ANKRD62: variants seen among roughly 807,000 people sequenced by gnomAD.
The protein encoded by ANKRD62 is ankyrin repeat domain-containing protein 62.
Under a neutral mutation model 98.8 loss-of-function variants are expected in ANKRD62, and 61 were observed. That is an observed-to-expected ratio of 0.62 (90% confidence interval 0.50 to 0.76). The LOEUF is 0.76. Ranked by LOEUF, ANKRD62 falls within the 30% of genes least tolerant of loss-of-function variation. The pLI, the probability that ANKRD62 is intolerant of heterozygous loss-of-function variation, is 0.00. For synonymous variants in ANKRD62, 341 were observed against 367.9 expected (o/e 0.93, Z 0.84); for missense variants, 933 against 1,082.9 (o/e 0.86, Z 1.94).
Position 12,107,355 on chromosome 18 carries a change from G to T in ANKRD62, c.952G>T (p.Ala318Ser), listed in dbSNP as rs556039684. 14 of 1,518,154 alleles carry T rather than the reference G, an allele frequency of 9.2e-6. No homozygotes were observed. The Admixed American group carries it at 2.7e-4, about 29-fold the overall frequency. The allele number at this position is 1,518,154 out of a possible 1,614,324, so 94.0% of individuals were successfully genotyped here. A position where few individuals can be genotyped will look rare whatever the true frequency, so the allele number is the denominator to read the frequency against. The change falls in exon 8 of 14, where the codon GCT (alanine) becomes TCT (serine). Residue 318 changes from alanine to serine, a missense_variant. This residue lies in a region of ANKRD62 where 549 missense variants were observed against 587.9 expected (regional missense o/e 0.93). Coordinates refer to ENST00000587848, the MANE Select transcript of ANKRD62 (RefSeq NM_001277333.2). ...AATGGAAGTGTCAAGAAACGTACAT[G>T]CTGATGACAGTGACAATTATAATGA... ...KKMEVSRNVHADDSDNYNDDV... is the reference protein window; with the variant it reads ...KKMEVSRNVHSDDSDNYNDDV...
intron 8 of ANKRD62, among the ~76,000 whole-genome samples, chr18:12,114,805 A>G (rs957591446): frequency 7.9e-5 from 12 of 152,064 alleles, no homozygotes; most frequent in African/African-American, 2.7e-4. Flanking sequence ...TGCAAATAAC[A>G]TGTTTTTTTT....
chr18:12,156,084 CT>C, the ANKRD62 span, among the ~76,000 whole-genome samples: 11 of 151,336 alleles, frequency 7.3e-5, no homozygotes, highest in African/African-American at 2.7e-4. Context: ...TCCTTCCCCC[CT>C]CCCTCTCCCT....
the ANKRD62 span, among the ~76,000 whole-genome samples, chr18:12,160,178 C>T: frequency 1.9e-4 from 29 of 152,260 alleles, 1 homozygote; most frequent in South Asian, 5.6e-3. Flanking sequence ...AATCATAGGG[C>T]TGCTCAATGT....
In ANKRD62 at chr18:12,128,739, G is replaced by T. The variant is rs1909944251; in HGVS notation, c.*800G>T. 1 of 152,122 alleles carries T rather than the reference G, an allele frequency of 6.6e-6. No homozygotes were observed. The highest frequency in any genetic ancestry group is 1.5e-5 in the Non-Finnish European group (1 of 68,026). The allele number at this position is 152,122 out of a possible 1,614,324, so 9.4% of individuals were successfully genotyped here. On this transcript the variant is annotated 3_prime_UTR_variant, in exon 14 of 14. Coordinates refer to ENST00000587848, the MANE Select transcript of ANKRD62 (RefSeq NM_001277333.2). ...TTAAAATTTTCTTCTGGTTTCCCTG[G>T]AAAGGAAAGATGATGCTTAGTTTTA... is the stretch of plus-strand genomic sequence containing the variant.
chr18:12,169,247 G>A, the ANKRD62 span, among the ~76,000 whole-genome samples: 12 of 151,992 alleles, frequency 7.9e-5, no homozygotes, highest in East Asian at 1.9e-4. Flanking sequence ...TTGCCCTTTC[G>A]GTATGATATT....
At position 12,099,735 on chromosome 18, in the gene ANKRD62, G is replaced by A. The variant is rs968040508; in HGVS notation, c.820+53G>A. 7 of 1,061,532 alleles carry A rather than the reference G, an allele frequency of 6.6e-6. No individual in the cohort carries two copies. The African/African-American group carries it at 6.6e-5, about 10-fold the overall frequency. The allele number at this position is 1,061,532 out of a possible 1,614,324, so 65.8% of individuals were successfully genotyped here. ...CGATGGTCCTGTCATAGATAAAAAAGTAAGAGGAAGGAAGTTTTGATCACA... is the reference window on the plus strand; with the variant it reads ...CGATGGTCCTGTCATAGATAAAAAAATAAGAGGAAGGAAGTTTTGATCACA... On this transcript the variant is annotated intron_variant, in intron 6 of 13. Coordinates refer to ENST00000587848, the MANE Select transcript of ANKRD62 (RefSeq NM_001277333.2).
At chr18:12,159,130 C>T in the ANKRD62 span, among the ~76,000 whole-genome samples, 37 of 151,956 alleles carry the variant, frequency 2.4e-4, no homozygotes, top group Non-Finnish European at 4.7e-4. Flanking sequence ...ACCAGGAAAA[C>T]GTGTATTTAA....
At chr18:12,138,370 C>A in the ANKRD62 span, among the ~76,000 whole-genome samples, 1 of 152,126 alleles carries the variant, frequency 6.6e-6, no homozygotes, top group Admixed American at 6.5e-5. Context: ...GTGAGTTTCT[C>A]AATTCTGAGT....
chr18:12,151,949 C>A, the ANKRD62 span, among the ~76,000 whole-genome samples: 1 of 151,896 alleles, frequency 6.6e-6, no homozygotes, highest in African/African-American at 2.4e-5. Context: ...TGCACACAAA[C>A]TAGAAAACCT....
the ANKRD62 span, among the ~76,000 whole-genome samples, chr18:12,136,504 T>G: frequency 6.6e-6 from 1 of 152,232 alleles, no homozygotes; most frequent in Admixed American, 6.5e-5. Flanking sequence ...TTCTTTAGGC[T>G]TAGGATTGAC....
At chr18:12,175,189 G>C in the ANKRD62 span, among the ~76,000 whole-genome samples, 1 of 152,216 alleles carries the variant, frequency 6.6e-6, no homozygotes, top group Non-Finnish European at 1.5e-5. Context: ...GCTCAGGTCT[G>C]TGCCTTCTCT....
At chr18:12,111,835 G>A (rs1464701510) in intron 8 of ANKRD62, among the ~76,000 whole-genome samples, 1 of 151,914 alleles carries the variant, frequency 6.6e-6, no homozygotes, top group Non-Finnish European at 1.5e-5. Flanking sequence ...TAAAAACCTA[G>A]GAATACAGCT....
intron 8 of ANKRD62, among the ~76,000 whole-genome samples, chr18:12,112,294 G>A (rs1420427331): frequency 6.6e-6 from 1 of 152,094 alleles, no homozygotes. Flanking sequence ...AAAGCTGGAG[G>A]AATCACACTA....
chr18:12,122,423 G>A lies in ANKRD62; in HGVS notation c.1361G>A (p.Ser454Asn). ...VKFQKMKNNI[S>N]VLQKVLSETD... ...TTTCAAAAAATGAAAAATAATATTAGCGTACTACAAAAGGTACTATCTGAA... is the reference window on the plus strand; with the variant it reads ...TTTCAAAAAATGAAAAATAATATTAACGTACTACAAAAGGTACTATCTGAA... The change falls in exon 11 of 14, where the codon AGC (serine) becomes AAC (asparagine). Residue 454 changes from serine (S) to asparagine (N), a missense_variant. Physicochemically the swap from Ser to Asn is conservative, Grantham distance 46. Transcript: ENST00000587848. The A allele has an allele frequency of 6.5e-7, 1 of 1,535,448 alleles. No homozygotes were observed. Among genetic ancestry groups the A allele is most frequent in the Non-Finnish European group, 8.7e-7 (1 of 1,146,550 alleles).
intron 10 of ANKRD62, among the ~76,000 whole-genome samples, chr18:12,117,502 G>T (rs1909689682): frequency 6.6e-6 from 1 of 152,154 alleles, no homozygotes; most frequent in South Asian, 2.1e-4. Flanking sequence ...GAACAATGCT[G>T]CATAAAAGCA....
the ANKRD62 span, among the ~76,000 whole-genome samples, chr18:12,172,357 T>C: frequency 2.6e-5 from 4 of 152,378 alleles, no homozygotes; most frequent in East Asian, 7.7e-4. Context: ...GTTTTCCTTC[T>C]AACAGTCAGG....
At chr18:12,101,663 A>G (rs1909302005) in intron 6 of ANKRD62, among the ~76,000 whole-genome samples, 1 of 152,204 alleles carries the variant, frequency 6.6e-6, no homozygotes, top group African/African-American at 2.4e-5. Flanking sequence ...ATATATTAAT[A>G]GTAATAAAGC....
intron 8 of ANKRD62, among the ~76,000 whole-genome samples, chr18:12,111,632 A>G (rs1011351509): frequency 2.6e-5 from 4 of 152,230 alleles, no homozygotes; most frequent in Admixed American, 2.6e-4. Context: ...TAGTTTGAAG[A>G]TGACATGATC....
the ANKRD62 span, among the ~76,000 whole-genome samples, chr18:12,175,475 C>T: frequency 3.9e-5 from 6 of 152,028 alleles, no homozygotes; most frequent in East Asian, 1.9e-4. Context: ...TCCCCACAGA[C>T]ATGCTCCAGC....
Sources: allele counts gnomAD v4.1 joint callset (sites outside exome capture counted in the v4.1 genomes callset), GRCh38; gene constraint gnomAD v4.1.1; regional missense constraint gnomAD v4.1.1; transcripts MANE v1.5; gene names NCBI Gene and HGNC (gene_info 2026-07-23, HGNC 2026-07-21).